ATG2A: variants seen among roughly 807,000 people sequenced by gnomAD.
ATG2A encodes the protein autophagy-related protein 2 homolog A.
ATG2A carries 103 observed loss-of-function variants against 214.2 expected under a neutral mutation model. That is an observed-to-expected ratio of 0.48 (90% confidence interval 0.41 to 0.57). The LOEUF (loss-of-function observed/expected upper bound fraction) is 0.57, where lower values mean the gene tolerates loss of function less well. ATG2A is among the 20% of genes least tolerant of loss of function. The pLI, the probability that ATG2A is intolerant of heterozygous loss-of-function variation, is 0.00. For synonymous variants in ATG2A, 1,160 were observed against 1,142.1 expected (o/e 1.02, Z -0.32); for missense variants, 2,312 against 2,613.2 (o/e 0.88, Z 2.51).
Position 64,913,805 on chromosome 11 carries a change from ATCGGCCTGCCCTTACC to A in ATG2A, c.590_590+15del. The A allele has an allele frequency of 1.9e-6, 3 of 1,610,464 alleles. No homozygotes were observed. The highest frequency in any genetic ancestry group is 2.5e-6 in the Non-Finnish European group (3 of 1,179,236). On this transcript the variant is annotated splice_donor_variant and splice_donor_5th_base_variant and coding_sequence_variant and intron_variant, in exon 4 of 41. Transcript: ENST00000377264. LOFTEE classifies it high-confidence loss of function. This position sits in a 1 kb window ranked among gnomAD's most constrained non-coding sequence, Gnocchi z 4.3. ...CCATCTTCACACCAGTCCACCCCAG[ATCGGCCTGCCCTTACC>A]TCTGCACACGGACCTCGACGGCCAC... is the stretch of plus-strand genomic sequence containing the variant.
At position 64,895,516 on chromosome 11, in the gene ATG2A, T is replaced by A; in HGVS notation, c.5428-74A>T. On this transcript the variant is annotated intron_variant, in intron 39 of 40. Transcript: ENST00000377264. This position sits in a 1 kb window ranked among gnomAD's most constrained non-coding sequence, Gnocchi z 5.0. ...TCAGCCCCAGGCCCCCAGGACAGTC[T>A]GAGACCCCACCAGCCCTCAGCCTCC... 1.4e-6 allele frequency: 2 copies of A among 1,437,602 alleles called. No individual in the cohort carries two copies. Among genetic ancestry groups the A allele is most frequent in the Non-Finnish European group, 9.2e-7 (1 of 1,090,484 alleles). 89.1% of individuals were successfully genotyped at this position (1,437,602 alleles called of 1,614,324 possible). A position where few individuals can be genotyped will look rare whatever the true frequency, so the allele number is the denominator to read the frequency against.
Position 64,894,862 on chromosome 11 carries a change from C to A in ATG2A, c.*111G>T, listed in dbSNP as rs537013037. 1.9e-4 allele frequency: 242 copies of A among 1,297,980 alleles called. 1 individual carries two copies. The African/African-American group carries it at 3.2e-3, about 17-fold the overall frequency. 80.4% of individuals were successfully genotyped at this position (1,297,980 alleles called of 1,614,324 possible). On this transcript the variant is annotated 3_prime_UTR_variant, in exon 41 of 41. Transcript: ENST00000377264. ...ACGGGCAGGCTGGGAAGGCGTCCTT[C>A]ACAGTGGCCATCCCCTGAAGGGCCA... is the stretch of plus-strand genomic sequence containing the variant.
Position 64,913,662 on chromosome 11 carries a change from G to C in ATG2A, c.590+159C>G, listed in dbSNP as rs1257175945. On this transcript the variant is annotated intron_variant, in intron 4 of 40. Transcript: ENST00000377264. This position sits in a 1 kb window ranked among gnomAD's most constrained non-coding sequence, Gnocchi z 4.3. ...TCACCTGGCCTCTGGACACCAGTCC[G>C]GGCTCACGATGCAGCCCACCTCCCC... 5 of 826,956 alleles carry C rather than the reference G, an allele frequency of 6.0e-6. No homozygotes were observed. In the Admixed American group the frequency reaches 1.0e-4, roughly 17 times the overall value. 51.2% of individuals were successfully genotyped at this position (826,956 alleles called of 1,614,324 possible).
chr11:64,906,782 C>G lies in ATG2A; in HGVS notation c.2866G>C (p.Gly956Arg), dbSNP rs755811737. 1.2e-6 allele frequency: 2 copies of G among 1,613,330 alleles called. No individual in the cohort carries two copies. Among genetic ancestry groups the G allele is most frequent in the Non-Finnish European group, 1.7e-6 (2 of 1,179,972 alleles). ...TGCTCCATGTCCAGCACCAGCTCCC[C>G]GTGCACAGCCTCCAGCCGCTTCCCA... ...EGGKRLEAVH[G>R]ELVLDMEHGT... The change falls in exon 20 of 41, where the codon GGG (glycine) becomes CGG (arginine). Residue 956 changes from glycine to arginine, a missense_variant. Transcript: ENST00000377264.
At chr11:64,905,525 C>T (rs748672406) in intron 24 of ATG2A, 38 bp downstream of exon 24, 26 of 1,580,076 alleles carry the variant, frequency 1.6e-5, no homozygotes, top group South Asian at 6.9e-5. Context: ...TTCGGCCCGG[C>T]GAGGGTGGGA....
chr11:64,911,786 A>T, intron 9 of ATG2A, 56 bp downstream of exon 9: 1 of 1,604,798 alleles, frequency 6.2e-7, no homozygotes, highest in East Asian at 2.2e-5. Context: ...CCACGGCACT[A>T]AGGCCTCTTC....
At position 64,900,960 on chromosome 11, in the gene ATG2A, G is replaced by C; in HGVS notation, c.4252C>G (p.Arg1418Gly). ...APAHFPVPST[R>G]VVLREVSLVW... ...AGGGAGACCTCACGTAGCACCACCC[G>C]AGTGCTGGGCACTGGGAAATGGGCA... The change falls in exon 30 of 41, where the codon CGG becomes GGG. Residue 1418 changes from arginine to glycine, a missense_variant. Physicochemically the swap from Arg to Gly is moderately radical, Grantham distance 125. Transcript: ENST00000377264. 6.3e-7 allele frequency: 1 copy of C among 1,583,806 alleles called. No homozygotes were observed. Among genetic ancestry groups the C allele is most frequent in the Non-Finnish European group, 8.6e-7 (1 of 1,165,390 alleles).
chr11:64,907,129 G>T, intron 19 of ATG2A, 126 bp downstream of exon 19: 1 of 1,194,744 alleles, frequency 8.4e-7, no homozygotes, highest in Non-Finnish European at 1.1e-6. Context: ...GCGTGGGTGG[G>T]CTGGCGCTGC....
chr11:64,904,635 ATTC>A, intron 24 of ATG2A, among the ~76,000 whole-genome samples: 1 of 152,314 alleles, frequency 6.6e-6, no homozygotes, highest in Admixed American at 6.5e-5. Context: ...AATAAAAATC[ATTC>A]ATCATTCCTA....
chr11:64,909,469 C>T (rs758620983), intron 14 of ATG2A, 102 bp from the exon 15 acceptor site: 1 of 1,406,146 alleles, frequency 7.1e-7, no homozygotes, highest in East Asian at 2.3e-5. Context: ...ACTCCACACA[C>T]ACCTTGGTGG....
rs1944908634 is a variant in ATG2A, at chr11:64,914,593, C to A, written c.172-93G>T. On this transcript the variant is annotated intron_variant, in intron 1 of 40. Coordinates refer to ENST00000377264, the MANE Select transcript of ATG2A (RefSeq NM_015104.3). ...TCTGGCCATAGTGCCTTGGAGAGCA[C>A]CCTTGGCTTGCCCTGTCCCTCCACG... 4.1e-6 allele frequency: 6 copies of A among 1,474,020 alleles called. No homozygotes were observed. The Admixed American group carries it at 1.0e-4, about 25-fold the overall frequency. The allele number at this position is 1,474,020 out of a possible 1,614,324, so 91.3% of individuals were successfully genotyped here.
chr11:64,907,635 G>A lies in ATG2A; in HGVS notation c.2537C>T (p.Pro846Leu). 1 of 1,597,568 alleles carries A rather than the reference G, an allele frequency of 6.3e-7. No individual in the cohort carries two copies. Among genetic ancestry groups the A allele is most frequent in the South Asian group, 1.1e-5 (1 of 89,244 alleles). Residue 846 changes from proline to leucine, a missense_variant, in exon 18 of 41, where the codon CCT (proline) becomes CTT (leucine). Physicochemically the swap from Pro to Leu is moderately conservative, Grantham distance 98 (BLOSUM62 -3). Transcript: ENST00000377264. ...GTCGGGGGTGGGAAGCAGATCTGCAGGCTCCCACATGAGCAGGTCGTTGTT... is the reference window on the plus strand; with the variant it reads ...GTCGGGGGTGGGAAGCAGATCTGCAAGCTCCCACATGAGCAGGTCGTTGTT... ...RINNDLLMWEPADLLPTPDPA... is the reference protein window; with the variant it reads ...RINNDLLMWELADLLPTPDPA...
At chr11:64,912,284 G>GCCCAGCCC in intron 7 of ATG2A, 35 bp from the exon 8 acceptor site, 1 of 1,602,384 alleles carries the variant, frequency 6.2e-7, no homozygotes, top group Non-Finnish European at 8.5e-7. Flanking sequence ...GGGCTGGCTG[G>GCCCAGCCC]CCCTCCCAGC....
In ATG2A at chr11:64,898,533, T is replaced by C; in HGVS notation, c.4671+103A>G. On this transcript the variant is annotated intron_variant, in intron 32 of 40. Transcript: ENST00000377264. This position sits in a 1 kb window ranked among gnomAD's most constrained non-coding sequence, Gnocchi z 4.5. ...CAGGCTCACAAACAACCTGGGTGTT[T>C]GTGTGGGAATGCGTGTATGTGTGTG... 7.0e-7 allele frequency: 1 copy of C among 1,428,788 alleles called. No individual in the cohort carries two copies. The highest frequency in any genetic ancestry group is 1.8e-4 in the Middle Eastern group (1 of 5,534). 88.5% of individuals were successfully genotyped at this position (1,428,788 alleles called of 1,614,324 possible).
At chr11:64,906,880 G>T (rs1944572598) in intron 19 of ATG2A, 65 bp from the exon 20 acceptor site, 5 of 1,544,858 alleles carry the variant, frequency 3.2e-6, no homozygotes, top group Admixed American at 1.9e-5. Context: ...CCCTCTGGGG[G>T]TTGGCGGCTC....
chr11:64,905,685 TC>T (rs1466420228), intron 23 of ATG2A, 30 bp from the exon 24 acceptor site: 4 of 1,613,298 alleles, frequency 2.5e-6, no homozygotes, highest in Non-Finnish European at 2.5e-6. Flanking sequence ...TGGGGCCGGC[TC>T]CTTACACCTG....
chr11:64,909,365 T>C lies in ATG2A; in HGVS notation c.2110A>G (p.Ile704Val). 6.2e-7 allele frequency: 1 copy of C among 1,611,778 alleles called. No homozygotes were observed. The highest frequency in any genetic ancestry group is 8.5e-7 in the Non-Finnish European group (1 of 1,178,778). ...GGTGGCTTCCCTCCATCTTCATAGA[T>C]ACCTGGAGGGGGATGGGGAATTAGG... ...LELTCSDLHGIYEDGGKPPVP... is the reference protein window; with the variant it reads ...LELTCSDLHGVYEDGGKPPVP... Residue 704 changes from isoleucine (I) to valine (V), a missense_variant and splice_region_variant, in exon 15 of 41, where the codon ATC (isoleucine) becomes GTC (valine). By Grantham distance (29) the Ile-to-Val change is conservative (BLOSUM62 3). Coordinates refer to ENST00000377264, the MANE Select transcript of ATG2A (RefSeq NM_015104.3).
At chr11:64,915,861 G>A (rs979116184) in intron 1 of ATG2A, among the ~76,000 whole-genome samples, 5 of 152,260 alleles carry the variant, frequency 3.3e-5, no homozygotes, top group Admixed American at 1.3e-4. Context: ...TGAGGCTAAG[G>A]TTAGAGGTCA....
At position 64,898,590 on chromosome 11, in the gene ATG2A, C is replaced by T. The variant is rs370100424; in HGVS notation, c.4671+46G>A. ...TGCATGCGTGAAGATGTATCCCCAA[C>T]GGTCTGGTGCCCTGCCCCAGGGTGG... On this transcript the variant is annotated intron_variant, in intron 32 of 40. Transcript: ENST00000377264. The surrounding 1 kb of genome is among the most constrained non-coding windows in gnomAD (Gnocchi z 4.5). The T allele has an allele frequency of 1.8e-5, 28 of 1,592,990 alleles. No individual in the cohort carries two copies. Among genetic ancestry groups the T allele is most frequent in the Middle Eastern group, 1.7e-4 (1 of 6,042 alleles).
Sources: allele counts gnomAD v4.1 joint callset (sites outside exome capture counted in the v4.1 genomes callset), GRCh38; gene constraint gnomAD v4.1.1; non-coding constraint Gnocchi (gnomAD v3.1); transcripts MANE v1.5; gene names NCBI Gene and HGNC (gene_info 2026-07-23, HGNC 2026-07-21).